The following LAMC2 variants were observed in gnomAD, a reference collection of about 807,000 sequenced individuals.
LAMC2 encodes laminin subunit gamma-2.
Under a neutral mutation model 140.2 loss-of-function variants are expected in LAMC2, and 97 were observed. The observed-to-expected ratio is 0.69, with a 90% confidence interval of 0.59 to 0.82. The LOEUF (loss-of-function observed/expected upper bound fraction) is 0.82. Among genes scored for constraint, LAMC2 ranks in the 40% least tolerant of loss-of-function variants. The pLI is 0.00. For missense variants in LAMC2, 1,402 were observed against 1,476.1 expected (o/e 0.95, Z 0.82); for synonymous variants, 513 against 540.2 (o/e 0.95, Z 0.70).
intron 1 of LAMC2, among the ~76,000 whole-genome samples, chr1:183,195,932 A>G (rs1305963626): frequency 6.6e-6 from 1 of 152,218 alleles, no homozygotes; most frequent in Admixed American, 6.5e-5. Context: ...AAGCATTTTC[A>G]TCATCACATG....
chr1:183,255,964 G>A, the LAMC2 span, among the ~76,000 whole-genome samples: 7 of 151,962 alleles, frequency 4.6e-5, no homozygotes, highest in East Asian at 1.4e-3. Context: ...GTGCCTGGCT[G>A]TCTAACTGCT....
intron 1 of LAMC2, among the ~76,000 whole-genome samples, chr1:183,207,643 C>T (rs761427638): frequency 1.3e-5 from 2 of 152,152 alleles, no homozygotes; most frequent in Non-Finnish European, 2.9e-5. Flanking sequence ...AGCCCATGTT[C>T]TCCCAGACAG....
chr1:183,229,482 C>G (rs551240439), intron 11 of LAMC2, among the ~76,000 whole-genome samples: 1 of 151,848 alleles, frequency 6.6e-6, no homozygotes, highest in Non-Finnish European at 1.5e-5. Context: ...ACTAAAAATA[C>G]AAATATTAGC....
chr1:183,192,273 A>G (rs1465670922), intron 1 of LAMC2, among the ~76,000 whole-genome samples: 2 of 152,144 alleles, frequency 1.3e-5, no homozygotes, highest in African/African-American at 4.8e-5. Context: ...GCGTCTTTTT[A>G]TTTATTGTGG....
At chr1:183,187,394 A>G (rs1397747863) in intron 1 of LAMC2, among the ~76,000 whole-genome samples, 1 of 152,100 alleles carries the variant, frequency 6.6e-6, no homozygotes, top group Non-Finnish European at 1.5e-5. Context: ...ATGTTTGAGC[A>G]TGTGTTTGAA....
At chr1:183,241,211 G>T (rs1226764834) in intron 22 of LAMC2, 4 of 766,250 alleles carry the variant, frequency 5.2e-6, no homozygotes, top group Non-Finnish European at 6.3e-6. Flanking sequence ...TTGCACCACT[G>T]CTCTCCAGCC....
intron 3 of LAMC2, among the ~76,000 whole-genome samples, chr1:183,216,501 C>T (rs1044276367): frequency 1.3e-5 from 2 of 152,158 alleles, no homozygotes; most frequent in African/African-American, 4.8e-5. Context: ...TCGTCACTTT[C>T]CTCCCTGCTC....
chr1:183,237,217 C>G, intron 17 of LAMC2, 135 bp from the exon 18 acceptor site: 1 of 927,018 alleles, frequency 1.1e-6, no homozygotes, highest in Non-Finnish European at 1.7e-6. Context: ...AGGTTTTGGG[C>G]CTGGATGGCT....
At chr1:183,215,095 A>G (rs1251523113) in intron 2 of LAMC2, among the ~76,000 whole-genome samples, 1 of 152,206 alleles carries the variant, frequency 6.6e-6, no homozygotes, top group African/African-American at 2.4e-5. Context: ...ACTTTCAGAT[A>G]CAAACTCTCT....
chr1:183,239,809 G>C, intron 20 of LAMC2: 1 of 645,214 alleles, frequency 1.5e-6, no homozygotes, highest in South Asian at 1.9e-5. Context: ...ATTGAACTGA[G>C]AGAGAAGCAC....
Position 183,227,529 on chromosome 1 carries a change from G to A in LAMC2, c.1300G>A (p.Gly434Arg). The stretch of plus-strand genomic sequence containing the variant: ...CCTACCCCCAGGAGATTGTTATTCA[G>A]GGGATGAGAATCCTGACATTGAGTG... ...CDPDTGDCYSGDENPDIECAD... is the reference protein window; with the variant it reads ...CDPDTGDCYSRDENPDIECAD... The change falls in exon 10 of 23, where the codon GGG (glycine) becomes AGG (arginine). Residue 434 changes from glycine (G) to arginine (R), a missense_variant. Physicochemically the swap from Gly to Arg is moderately radical, Grantham distance 125. Around this residue, in one of 3 missense-constraint regions of LAMC2, gnomAD observed 723 missense variants for 783.3 expected, o/e 0.92. Coordinates refer to ENST00000264144, the MANE Select transcript of LAMC2 (RefSeq NM_005562.3). The A allele has an allele frequency of 6.2e-7, 1 of 1,614,128 alleles. No individual in the cohort carries two copies. Among genetic ancestry groups the A allele is most frequent in the Non-Finnish European group, 8.5e-7 (1 of 1,179,998 alleles).
Position 183,222,192 on chromosome 1 carries a change from T to C in LAMC2, c.744T>C (p.Pro248=). ...TTAGCTCAGCCCAACGACTAGACCC[T>C]GTCTATTTTGTGGCTCCTGGTATGT... The part of the protein sequence containing the change: ...DVFSSAQRLD[P]VYFVAPAKFL... Residue 248 remains proline, a synonymous_variant, in exon 6 of 23, where the codon CCT becomes CCC. Coordinates refer to ENST00000264144, the MANE Select transcript of LAMC2 (RefSeq NM_005562.3). The C allele has an allele frequency of 6.2e-7, 1 of 1,614,166 alleles. No individual in the cohort carries two copies. The highest frequency in any genetic ancestry group is 8.5e-7 in the Non-Finnish European group (1 of 1,179,990).
intron 1 of LAMC2, among the ~76,000 whole-genome samples, chr1:183,189,916 G>A (rs1056434059): frequency 5.9e-5 from 9 of 152,154 alleles, no homozygotes; most frequent in African/African-American, 1.9e-4. Flanking sequence ...TCACTAATTT[G>A]GTTTTTCCCA....
chr1:183,190,349 T>C (rs1486047196), intron 1 of LAMC2, among the ~76,000 whole-genome samples: 1 of 152,202 alleles, frequency 6.6e-6, no homozygotes, highest in Non-Finnish European at 1.5e-5. Context: ...GCCTCCTTTT[T>C]ACTCTCCTTT....
chr1:183,226,139 CTTTTT>C (rs76667253), intron 8 of LAMC2, among the ~76,000 whole-genome samples: 1 of 136,208 alleles, frequency 7.3e-6, no homozygotes, highest in African/African-American at 2.8e-5. Flanking sequence ...CTATTAATTC[CTTTTT>C]TTTTTTTTTT....
At chr1:183,252,641 C>G in the LAMC2 span, 1 of 1,610,952 alleles carries the variant, frequency 6.2e-7, no homozygotes, top group South Asian at 1.1e-5. Flanking sequence ...CGAGGGGCTG[C>G]TAGCCGGAGG....
chr1:183,247,249 T>C (rs1392993279), downstream of LAMC2, among the ~76,000 whole-genome samples: 1 of 152,176 alleles, frequency 6.6e-6, no homozygotes, highest in Admixed American at 6.5e-5. Context: ...GAGGCTGATG[T>C]TGCAGTGAAC....
At chr1:183,221,379 T>C (rs1424622821) in intron 5 of LAMC2, among the ~76,000 whole-genome samples, 1 of 152,182 alleles carries the variant, frequency 6.6e-6, no homozygotes, top group Non-Finnish European at 1.5e-5. Flanking sequence ...CAGAACACTA[T>C]AAAAATATTG....
rs1459744767 is a variant in LAMC2 at position 183,243,407 on chromosome 1, C to T, written c.*7C>T. On this transcript the variant is annotated 3_prime_UTR_variant, in exon 23 of 23. Coordinates refer to ENST00000264144, the MANE Select transcript of LAMC2 (RefSeq NM_005562.3). ...GGCTCTTGAGCAACAGTGAAGCTGCCATAAATATTTCTCAACTGAGGTTCT... is the reference window on the plus strand; with the variant it reads ...GGCTCTTGAGCAACAGTGAAGCTGCTATAAATATTTCTCAACTGAGGTTCT... 2.5e-6 allele frequency: 4 copies of T among 1,614,174 alleles called. No individual in the cohort carries two copies. The highest frequency in any genetic ancestry group is 2.5e-6 in the Non-Finnish European group (3 of 1,180,026).
Sources: gnomAD v4.1 joint callset for allele counts (sites outside exome capture counted in the v4.1 genomes callset) on GRCh38, gnomAD v4.1.1 for gene constraint, gnomAD v4.1.1 regional missense constraint, MANE v1.5 for transcripts, NCBI Gene and HGNC (gene_info 2026-07-23, HGNC 2026-07-21) for gene names.